SPATA6: variants seen among roughly 807,000 people sequenced by gnomAD.
The protein encoded by SPATA6 is spermatogenesis associated 6.
A neutral mutation model predicts 65.3 loss-of-function variants in SPATA6; 56 were observed. That is an observed-to-expected ratio of 0.86 (90% CI 0.69 to 1.07). SPATA6 has a LOEUF of 1.07. Among genes scored for constraint, SPATA6 ranks in the 50% least tolerant of loss-of-function variants. The pLI is 0.00. For missense variants in SPATA6, 590 were observed against 594.8 expected (o/e 0.99, Z 0.08); for synonymous variants, 199 against 213.2 (o/e 0.93, Z 0.58).
intron 5 of SPATA6, 56 bp downstream of exon 5, chr1:48,411,408 G>A: frequency 1.9e-6 from 3 of 1,556,576 alleles, no homozygotes; most frequent in Non-Finnish European, 2.6e-6. Flanking sequence ...ACTATGCGGT[G>A]GTTTCTGACA....
chr1:48,327,863 C>T (rs1645808431), intron 11 of SPATA6, among the ~76,000 whole-genome samples: 1 of 152,228 alleles, frequency 6.6e-6, no homozygotes, highest in South Asian at 2.1e-4. Context: ...ATCTATTCTG[C>T]ACAATGTTCA....
At chr1:48,330,022 C>T (rs1645870499) in intron 11 of SPATA6, among the ~76,000 whole-genome samples, 1 of 152,360 alleles carries the variant, frequency 6.6e-6, no homozygotes, top group East Asian at 1.9e-4. Flanking sequence ...ACCAGTACCA[C>T]AAACCCAATA....
chr1:48,374,200 AGAT>A (rs1324384364), intron 9 of SPATA6, among the ~76,000 whole-genome samples: 16 of 152,328 alleles, frequency 1.1e-4, no homozygotes, highest in Non-Finnish European at 2.9e-5. Flanking sequence ...CTTTATATGT[AGAT>A]GATAAGTTTA....
At chr1:48,384,761 T>C (rs534809276) in intron 9 of SPATA6, among the ~76,000 whole-genome samples, 83 of 152,318 alleles carry the variant, frequency 5.4e-4, no homozygotes, top group Non-Finnish European at 9.3e-4. Context: ...TCAGAGCCTT[T>C]AGCAAAACAG....
Position 48,471,975 on chromosome 1 carries a change from C to A in SPATA6, c.34G>T (p.Ala12Ser). 6.2e-7 allele frequency: 1 copy of A among 1,601,730 alleles called. No homozygotes were observed. Among genetic ancestry groups the A allele is most frequent in the Non-Finnish European group, 8.5e-7 (1 of 1,175,814 alleles). Reference protein sequence around the residue: ...PKVKALQCALALEISSVTCPG... With the variant: ...PKVKALQCALSLEISSVTCPG... ...GTACTCACTGAGCTGATCTCCAGCG[C>A]CAGGGCGCACTGCAGCGCCTTCACC... is the stretch of plus-strand genomic sequence containing the variant. The change falls in exon 1 of 13, where the codon GCG becomes TCG. Residue 12 changes from alanine (A) to serine (S), a missense_variant. Ala to Ser is a moderately conservative substitution (Grantham distance 99). Transcript: ENST00000371847.
At chr1:48,359,836 T>A in intron 9 of SPATA6, 66 bp from the exon 10 acceptor site, 1 of 1,248,260 alleles carries the variant, frequency 8.0e-7, no homozygotes, top group Non-Finnish European at 1.1e-6. Context: ...ACATATTATA[T>A]AGTAATATAG....
Position 48,298,568 on chromosome 1 carries a change from T to C in SPATA6, c.*145A>G. On this transcript the variant is annotated 3_prime_UTR_variant, in exon 13 of 13. Transcript: ENST00000371847. ...GGCTTGCCTATGATAATTTACCATT[T>C]GAAGTAATGAACTTATTCAAGTATA... 1.4e-6 allele frequency: 1 copy of C among 706,986 alleles called. No homozygotes were observed. Among genetic ancestry groups the C allele is most frequent in the South Asian group, 2.9e-5 (1 of 34,936 alleles). 43.8% of individuals were successfully genotyped at this position (706,986 alleles called of 1,614,324 possible). A position where few individuals can be genotyped will look rare whatever the true frequency, so the allele number is the denominator to read the frequency against.
At position 48,355,886 on chromosome 1, in the gene SPATA6, T is replaced by C. The variant is rs1646646099; in HGVS notation, c.1095-117A>G. ...TAGTCTTAATAAAGGTTGGCATACA[T>C]TGGGGAGAACATACCTATATATCTG... is the stretch of plus-strand genomic sequence containing the variant. On this transcript the variant is annotated intron_variant, in intron 10 of 12. Transcript: ENST00000371847. The C allele has an allele frequency of 7.0e-6, 5 of 719,046 alleles. No individual in the cohort carries two copies. In the Admixed American group the frequency reaches 7.7e-5, roughly 11 times the overall value. 44.5% of individuals were successfully genotyped at this position (719,046 alleles called of 1,614,324 possible).
intron 11 of SPATA6, among the ~76,000 whole-genome samples, chr1:48,336,327 T>C (rs1167967971): frequency 6.6e-6 from 1 of 151,986 alleles, no homozygotes; most frequent in African/African-American, 2.4e-5. Flanking sequence ...GATACATGCA[T>C]GTGTATATTC....
the SPATA6 span, among the ~76,000 whole-genome samples, chr1:48,267,838 G>C: frequency 3.5e-5 from 5 of 140,940 alleles, no homozygotes; most frequent in Admixed American, 7.3e-5. Context: ...TGCAAGTTCC[G>C]CCTCCCGGGT....
intron 11 of SPATA6, among the ~76,000 whole-genome samples, chr1:48,342,545 G>C (rs952347687): frequency 6.6e-6 from 1 of 151,588 alleles, no homozygotes. Flanking sequence ...GAACCCCGGA[G>C]GCAGAGCTTG....
intron 9 of SPATA6, among the ~76,000 whole-genome samples, chr1:48,366,022 A>G (rs920580201): frequency 1.3e-5 from 2 of 152,170 alleles, no homozygotes; most frequent in Admixed American, 1.3e-4. Context: ...GAATTTTATC[A>G]AAGTCTTTTT....
At chr1:48,288,614 G>C in the SPATA6 span, among the ~76,000 whole-genome samples, 3,613 of 152,312 alleles carry the variant, frequency 0.024, 40 homozygotes, top group South Asian at 0.06. Flanking sequence ...AGCCATGACA[G>C]ACAGCACCTG....
intron 11 of SPATA6, among the ~76,000 whole-genome samples, chr1:48,314,674 C>T (rs1219947818): frequency 6.6e-6 from 1 of 151,996 alleles, no homozygotes; most frequent in African/African-American, 2.4e-5. Flanking sequence ...TGGCAGAAGA[C>T]AAGAAATAAC....
chr1:48,432,395 T>C (rs1654486064), intron 3 of SPATA6, among the ~76,000 whole-genome samples: 2 of 151,894 alleles, frequency 1.3e-5, no homozygotes, highest in Non-Finnish European at 2.9e-5. Context: ...AAATAATATA[T>C]CTGATAAAAA....
intron 3 of SPATA6, among the ~76,000 whole-genome samples, chr1:48,447,672 A>G (rs1224840537): frequency 6.6e-6 from 1 of 152,198 alleles, no homozygotes; most frequent in African/African-American, 2.4e-5. Flanking sequence ...GTCTCAATAA[A>G]TGTAAAAAAG....
intron 1 of SPATA6, among the ~76,000 whole-genome samples, chr1:48,461,605 T>C (rs936270210): frequency 3.9e-5 from 6 of 152,196 alleles, no homozygotes; most frequent in African/African-American, 1.4e-4. Context: ...AATCCTTTCC[T>C]CTGGCCATCA....
At chr1:48,381,646 TTC>T (rs1468031723) in intron 9 of SPATA6, among the ~76,000 whole-genome samples, 331 of 112,512 alleles carry the variant, frequency 2.9e-3, no homozygotes, top group African/African-American at 0.013. Context: ...GCTATGGTTT[TTC>T]TTTTTTTTTT....
In SPATA6 at chr1:48,461,556, T is replaced by C. The variant is rs181138933; in HGVS notation, c.52-8425A>G. 3.5e-3 allele frequency among the ~76,000 whole-genome samples: 536 copies of C among 152,352 alleles called. 3 individuals carry two copies. The highest frequency in any genetic ancestry group is 0.012 in the African/African-American group (492 of 41,590). ...GGATCCAGTTTCAGCTTTCTACATATGGCTAGCCAATTTTCCCAGCACCAT... is the reference window on the plus strand; with the variant it reads ...GGATCCAGTTTCAGCTTTCTACATACGGCTAGCCAATTTTCCCAGCACCAT... On this transcript the variant is annotated intron_variant, in intron 1 of 12. Coordinates refer to ENST00000371847, the MANE Select transcript of SPATA6 (RefSeq NM_019073.4).
Sources: allele counts gnomAD v4.1 joint callset (sites outside exome capture counted in the v4.1 genomes callset), GRCh38; gene constraint gnomAD v4.1.1; transcripts MANE v1.5; gene names NCBI Gene and HGNC (gene_info 2026-07-23, HGNC 2026-07-21).